Variants in FAT3 observed in about 807,000 individuals in gnomAD.
FAT3 encodes the protein protocadherin Fat 3.
In FAT3, 95 loss-of-function variants were observed where a neutral mutation model predicts 310.2. The observed-to-expected ratio is 0.31, with a 90% CI of 0.26 to 0.36. The LOEUF (loss-of-function observed/expected upper bound fraction) is 0.36, where lower values mean the gene tolerates loss of function less well. Among genes scored for constraint, FAT3 ranks in the 10% least tolerant of loss-of-function variants. The pLI is 1.00. For missense variants in FAT3, 5,408 were observed against 5,715.6 expected (o/e 0.95, Z 1.74); for synonymous variants, 2,314 against 2,192.9 (o/e 1.06, Z -1.54).
At position 92,524,839 on chromosome 11, in the gene FAT3, T is replaced by C. The variant is rs1208274948; in HGVS notation, c.3498T>C (p.Ser1166=). 6.2e-7 allele frequency: 1 copy of C among 1,613,788 alleles called. No individual in the cohort carries two copies. The highest frequency in any genetic ancestry group is 1.3e-5 in the African/African-American group (1 of 74,922). ...TGGAAAACTCTCCAAAGGACGTATC[T>C]GTCATTCAGATCCAGGCTGAAGATC... ...VVMENSPKDV[S]VIQIQAEDPD... Residue 1166 remains serine, a synonymous_variant, in exon 3 of 28, where the codon TCT becomes TCC. Coordinates refer to ENST00000525166, the MANE Select transcript of FAT3 (RefSeq NM_001367949.2).
chr11:92,287,186 C>T (rs1344749291), intron 1 of FAT3, among the ~76,000 whole-genome samples: 1 of 152,146 alleles, frequency 6.6e-6, no homozygotes, highest in Non-Finnish European at 1.5e-5. Context: ...TAAAAACAAT[C>T]ACAGCCTTGG....
At chr11:92,319,694 T>C (rs1368165334) in intron 1 of FAT3, among the ~76,000 whole-genome samples, 1 of 152,206 alleles carries the variant, frequency 6.6e-6, no homozygotes, top group Non-Finnish European at 1.5e-5. Context: ...AAGTAATTTT[T>C]TCTTATACAG....
intron 3 of FAT3, among the ~76,000 whole-genome samples, chr11:92,652,583 C>T (rs781082296): frequency 2.6e-5 from 4 of 152,190 alleles, no homozygotes; most frequent in African/African-American, 9.7e-5. Context: ...GCTTCTCCTA[C>T]TCATTCTCAG....
At position 92,520,915 on chromosome 11, in the gene FAT3, A is replaced by T. The variant is rs536913780; in HGVS notation, c.3293-3719A>T. Among the ~76,000 whole-genome samples, 19 of 152,238 alleles carry T rather than the reference A, an allele frequency of 1.2e-4. No individual in the cohort carries two copies. The South Asian group carries it at 3.7e-3, about 30-fold the overall frequency. On this transcript the variant is annotated intron_variant, in intron 2 of 27. Transcript: ENST00000525166. ...CAGGAGAGAATTCTAATTTTTAAGG[A>T]AAATGTCTGATCCTTCATTAAGAGT...
At chr11:92,449,176 C>A (rs1289526429) in intron 2 of FAT3, among the ~76,000 whole-genome samples, 2 of 152,144 alleles carry the variant, frequency 1.3e-5, no homozygotes, top group East Asian at 3.9e-4. Flanking sequence ...TCCTCTCAGC[C>A]TGAGTACTGA....
rs551042033 is a variant in FAT3, at chr11:92,322,533, G to C, written c.-17-29563G>C. Reference sequence around the variant, plus strand: ...AGATTCCTCTGTAGCATGCGATGCTGTTTGATAGCATTTAACCTACAGCAG... The same window carrying C: ...AGATTCCTCTGTAGCATGCGATGCTCTTTGATAGCATTTAACCTACAGCAG... On this transcript the variant is annotated intron_variant, in intron 1 of 27. Coordinates refer to ENST00000525166, the MANE Select transcript of FAT3 (RefSeq NM_001367949.2). Among the ~76,000 whole-genome samples, 3 of 152,312 alleles carry C rather than the reference G, an allele frequency of 2.0e-5. No individual in the cohort carries two copies. The South Asian group carries it at 6.2e-4, about 32-fold the overall frequency.
At chr11:92,884,473 G>A (rs1949754515) in intron 24 of FAT3, among the ~76,000 whole-genome samples, 1 of 152,144 alleles carries the variant, frequency 6.6e-6, no homozygotes, top group Admixed American at 6.5e-5. Context: ...ACTTCATCAG[G>A]ACAAATGGCT....
intron 13 of FAT3, among the ~76,000 whole-genome samples, chr11:92,817,348 G>T (rs1947850751): frequency 6.6e-6 from 1 of 152,188 alleles, no homozygotes; most frequent in Admixed American, 6.5e-5. Context: ...GAAAAATTCT[G>T]AGTCTTCCAG....
chr11:92,505,002 G>T (rs1953054903), intron 2 of FAT3, among the ~76,000 whole-genome samples: 1 of 152,114 alleles, frequency 6.6e-6, no homozygotes, highest in South Asian at 2.1e-4. Flanking sequence ...TATTATTGAG[G>T]GGTGGGGAGG....
intron 2 of FAT3, among the ~76,000 whole-genome samples, chr11:92,520,128 C>T (rs1297233334): frequency 6.6e-6 from 1 of 151,780 alleles, no homozygotes; most frequent in Non-Finnish European, 1.5e-5. Context: ...TAATGCTGTA[C>T]CGACACAATG....
At chr11:92,430,015 A>G (rs1950730726) in intron 2 of FAT3, among the ~76,000 whole-genome samples, 1 of 152,200 alleles carries the variant, frequency 6.6e-6, no homozygotes. Flanking sequence ...AGGTATACTA[A>G]TCAAAGGTAG....
intron 2 of FAT3, among the ~76,000 whole-genome samples, chr11:92,459,485 C>T (rs11019964): frequency 0.055 from 8,396 of 152,158 alleles, 485 homozygotes; most frequent in African/African-American, 0.14. Flanking sequence ...ATTATTTTAA[C>T]GGGCCTACTT....
At chr11:92,516,280 T>C (rs1246746655) in intron 2 of FAT3, among the ~76,000 whole-genome samples, 2 of 151,916 alleles carry the variant, frequency 1.3e-5, no homozygotes, top group Non-Finnish European at 2.9e-5. Flanking sequence ...CATCAAAAAG[T>C]GTATCCACCA....
chr11:92,837,859 C>T (rs1948445897), intron 17 of FAT3, 53 bp downstream of exon 17: 1 of 1,607,628 alleles, frequency 6.2e-7, no homozygotes, highest in Non-Finnish European at 8.5e-7. Flanking sequence ...AGCTTTCTTC[C>T]TCTGCTGTGG....
intron 1 of FAT3, among the ~76,000 whole-genome samples, chr11:92,351,743 G>C (rs1178579409): frequency 6.6e-6 from 1 of 152,018 alleles, no homozygotes; most frequent in Non-Finnish European, 1.5e-5. Flanking sequence ...TGCAAAGGCA[G>C]TTCTAAGTCA....
At chr11:92,479,000 T>A (rs1792470203) in intron 2 of FAT3, among the ~76,000 whole-genome samples, 1 of 138,804 alleles carries the variant, frequency 7.2e-6, no homozygotes, top group Non-Finnish European at 1.5e-5. Context: ...TTCTTTGTTG[T>A]TGTTTTTTGT....
Position 92,878,994 on chromosome 11 carries a change from A to G in FAT3, c.12128-1737A>G, listed in dbSNP as rs1282600514. Among the ~76,000 whole-genome samples, 4 of 152,244 alleles carry G rather than the reference A, an allele frequency of 2.6e-5. No homozygotes were observed. The East Asian group carries it at 7.7e-4, about 29-fold the overall frequency. ...CTGAAAATAAACCCATATAAAGTAC[A>G]TCACTGCAAAATCTCAGAAAATTGG... On this transcript the variant is annotated intron_variant, in intron 22 of 27. Transcript: ENST00000525166.
chr11:92,740,752 A>T (rs986186564), intron 4 of FAT3, among the ~76,000 whole-genome samples: 3 of 152,224 alleles, frequency 2.0e-5, no homozygotes, highest in African/African-American at 7.2e-5. Flanking sequence ...TCAAGAATTT[A>T]TAATGAAAGA....
intron 1 of FAT3, among the ~76,000 whole-genome samples, chr11:92,348,501 A>T (rs925124386): frequency 5.9e-5 from 9 of 152,236 alleles, no homozygotes; most frequent in African/African-American, 2.2e-4. Flanking sequence ...CCCTTAGGGC[A>T]CTTTAATGTT....
Sources: gnomAD v4.1 joint callset for allele counts (sites outside exome capture counted in the v4.1 genomes callset) on GRCh38, gnomAD v4.1.1 for gene constraint, MANE v1.5 for transcripts, NCBI Gene and HGNC (gene_info 2026-07-23, HGNC 2026-07-21) for gene names.